Variants in AP3B1 observed in about 807,000 individuals in gnomAD.
AP3B1 encodes the protein AP-3 complex subunit beta-1.
In AP3B1, 61 loss-of-function variants were observed where a neutral mutation model predicts 132.5. That is an observed-to-expected ratio of 0.46 (90% CI 0.37 to 0.57). The LOEUF (loss-of-function observed/expected upper bound fraction) is 0.57. AP3B1 is among the 20% of genes least tolerant of loss of function. AP3B1 has a pLI of 0.00. For synonymous variants in AP3B1, 388 were observed against 438.3 expected (o/e 0.89, Z 1.43); for missense variants, 1,120 against 1,289.4 (o/e 0.87, Z 2.01).
In AP3B1 at chr5:78,029,775, A is replaced by T. The variant is rs1747495167; in HGVS notation, c.2894+4586T>A. Among the ~76,000 whole-genome samples the T allele has an allele frequency of 2.6e-5, 4 of 152,140 alleles. No homozygotes were observed. In the South Asian group the frequency reaches 8.3e-4, roughly 32 times the overall value. On this transcript the variant is annotated intron_variant, in intron 24 of 26. Coordinates refer to ENST00000255194, the MANE Select transcript of AP3B1 (RefSeq NM_003664.5). ...CCTTGGCCTTCCAAAGAGCTGGGAT[A>T]ACAGGTATAAGCCACCACACGCAGC...
At chr5:78,255,709 A>C (rs1580551186) in intron 2 of AP3B1, among the ~76,000 whole-genome samples, 1 of 152,056 alleles carries the variant, frequency 6.6e-6, no homozygotes, top group Non-Finnish European at 1.5e-5. Flanking sequence ...ATCAAGAAAC[A>C]CCACACTTAA....
intron 21 of AP3B1, among the ~76,000 whole-genome samples, chr5:78,091,884 A>G (rs181687475): frequency 3.2e-4 from 48 of 152,202 alleles, no homozygotes; most frequent in African/African-American, 1.1e-3. Context: ...ATGAAGTGAA[A>G]AAGACTAAAG....
chr5:78,103,974 T>G (rs1751230722), intron 20 of AP3B1, among the ~76,000 whole-genome samples: 1 of 151,750 alleles, frequency 6.6e-6, no homozygotes, highest in African/African-American at 2.4e-5. Context: ...AAAAGGCAAA[T>G]AGCAAAAAAG....
chr5:78,001,480 G>A (rs1358240345), downstream of AP3B1: 2 of 152,172 alleles, frequency 1.3e-5, no homozygotes, highest in Non-Finnish European at 2.9e-5. Flanking sequence ...AAATGTACAC[G>A]TGGCTTCTGT....
intron 26 of AP3B1, among the ~76,000 whole-genome samples, chr5:78,006,136 C>T (rs1284926533): frequency 6.6e-6 from 1 of 152,180 alleles, no homozygotes; most frequent in African/African-American, 2.4e-5. Flanking sequence ...AAGTGCTTCA[C>T]TGGAATTATT....
intron 21 of AP3B1, among the ~76,000 whole-genome samples, chr5:78,093,281 C>T (rs757201815): frequency 2.6e-5 from 4 of 151,892 alleles, no homozygotes; most frequent in Admixed American, 2.6e-4. Context: ...CAGCCTTGAC[C>T]TCCTGGGGCT....
rs563545178 is a variant in AP3B1, at chr5:78,040,830, C to T, written c.2578-1556G>A. Among the ~76,000 whole-genome samples, 168 of 152,206 alleles carry T rather than the reference C, an allele frequency of 1.1e-3. 1 individual carries two copies. In the South Asian group the frequency reaches 0.013, roughly 12 times the overall value. The stretch of plus-strand genomic sequence containing the variant: ...CGTGTACACCTGATGACATTACAAA[C>T]GTAGCAATTATAGTAATGATTTAAA... On this transcript the variant is annotated intron_variant, in intron 22 of 26. Transcript: ENST00000255194.
At chr5:78,178,245 C>A (rs74751374) in intron 8 of AP3B1, among the ~76,000 whole-genome samples, 1 of 152,168 alleles carries the variant, frequency 6.6e-6, no homozygotes, top group Non-Finnish European at 1.5e-5. Flanking sequence ...AAAACAAATA[C>A]ATCTACAGCA....
At chr5:78,255,068 T>C (rs1747796303) in intron 2 of AP3B1, among the ~76,000 whole-genome samples, 1 of 152,008 alleles carries the variant, frequency 6.6e-6, no homozygotes, top group African/African-American at 2.4e-5. Context: ...GCAAGCCTCA[T>C]GGTAACCTCA....
At chr5:78,080,884 C>T (rs954787491) in intron 22 of AP3B1, among the ~76,000 whole-genome samples, 5 of 152,042 alleles carry the variant, frequency 3.3e-5, no homozygotes, top group African/African-American at 1.2e-4. Flanking sequence ...GAAGTGAAAA[C>T]CAGCTAAACA....
intron 1 of AP3B1, among the ~76,000 whole-genome samples, chr5:78,280,729 C>T (rs183667296): frequency 3.3e-5 from 5 of 152,322 alleles, no homozygotes; most frequent in Admixed American, 3.3e-4. Context: ...GGCAAGTTTT[C>T]CATCTGATGA....
intron 12 of AP3B1, among the ~76,000 whole-genome samples, chr5:78,165,210 G>A (rs1162577165): frequency 6.6e-6 from 1 of 152,092 alleles, no homozygotes; most frequent in African/African-American, 2.4e-5. Context: ...CTATATATGA[G>A]GCTAAGGGGG....
intron 22 of AP3B1, among the ~76,000 whole-genome samples, chr5:78,045,588 T>C (rs1210646992): frequency 6.6e-6 from 1 of 152,122 alleles, no homozygotes; most frequent in Non-Finnish European, 1.5e-5. Flanking sequence ...CAGTGTTATA[T>C]TAATATTAAC....
At chr5:78,079,300 A>G (rs1187690204) in intron 22 of AP3B1, among the ~76,000 whole-genome samples, 2 of 152,204 alleles carry the variant, frequency 1.3e-5, no homozygotes, top group Non-Finnish European at 2.9e-5. Context: ...CAGGAATCTT[A>G]AGACATTTTC....
intron 15 of AP3B1, among the ~76,000 whole-genome samples, chr5:78,137,795 A>G (rs569086249): frequency 6.6e-6 from 1 of 152,358 alleles, no homozygotes; most frequent in South Asian, 2.1e-4. Context: ...AGTTTGAGGC[A>G]GATAAAGAAA....
intron 14 of AP3B1, among the ~76,000 whole-genome samples, chr5:78,150,250 G>C (rs552942872): frequency 1.3e-5 from 2 of 152,188 alleles, no homozygotes; most frequent in Non-Finnish European, 2.9e-5. Flanking sequence ...CAATGGAGAA[G>C]AAATAGCTGA....
At chr5:78,119,634 T>G (rs1341006840) in intron 17 of AP3B1, among the ~76,000 whole-genome samples, 1 of 151,970 alleles carries the variant, frequency 6.6e-6, no homozygotes, top group Non-Finnish European at 1.5e-5. Flanking sequence ...AAGGGAAGTT[T>G]AGAGAAAAAA....
chr5:78,020,931 T>C, intron 24 of AP3B1, 142 bp from the exon 25 acceptor site: 1 of 658,970 alleles, frequency 1.5e-6, no homozygotes, highest in South Asian at 1.8e-5. Context: ...GCTAAAAAGG[T>C]TTAAACATTT....
intron 2 of AP3B1, among the ~76,000 whole-genome samples, chr5:78,244,317 G>C (rs1169322537): frequency 4.6e-5 from 7 of 152,100 alleles, no homozygotes; most frequent in Non-Finnish European, 1.0e-4. Flanking sequence ...GGAGGCTGAG[G>C]CAGGAGAATC....
Sources: allele counts gnomAD v4.1 joint callset (sites outside exome capture counted in the v4.1 genomes callset), GRCh38; gene constraint gnomAD v4.1.1; transcripts MANE v1.5; gene names NCBI Gene and HGNC (gene_info 2026-07-23, HGNC 2026-07-21).